LRGUK: variants seen among roughly 807,000 people sequenced by gnomAD.
LRGUK encodes leucine rich repeats and guanylate kinase domain containing.
Under a neutral mutation model 76.0 loss-of-function variants are expected in LRGUK, and 65 were observed. The observed-to-expected ratio is 0.85, with a 90% CI of 0.70 to 1.05. The LOEUF (loss-of-function observed/expected upper bound fraction) is 1.05. Among genes scored for constraint, LRGUK ranks in the 50% least tolerant of loss-of-function variants. The pLI is 0.00. For synonymous variants in LRGUK, 268 were observed against 265.6 expected (o/e 1.01, Z -0.09); for missense variants, 758 against 732.8 (o/e 1.03, Z -0.40).
At chr7:134,205,576 A>T (rs1441416991) in intron 15 of LRGUK, among the ~76,000 whole-genome samples, 2 of 152,348 alleles carry the variant, frequency 1.3e-5, no homozygotes, top group African/African-American at 2.4e-5. Flanking sequence ...TGAATTTTTT[A>T]AAAAATAATT....
chr7:134,144,283 G>A (rs547076514), intron 4 of LRGUK, among the ~76,000 whole-genome samples: 9 of 152,124 alleles, frequency 5.9e-5, no homozygotes, highest in Non-Finnish European at 8.8e-5. Context: ...CTACAGGCAC[G>A]TGCCAAAACA....
intron 17 of LRGUK, among the ~76,000 whole-genome samples, chr7:134,247,856 T>C (rs1029906895): frequency 4.1e-4 from 62 of 152,200 alleles, no homozygotes; most frequent in African/African-American, 1.4e-3. Flanking sequence ...AAACTGATGA[T>C]TTTTTGAAGA....
the LRGUK span, among the ~76,000 whole-genome samples, chr7:134,272,099 A>T: frequency 6.6e-6 from 1 of 152,072 alleles, no homozygotes; most frequent in South Asian, 2.1e-4. Context: ...CTCACATCTG[A>T]ATCTGTCTAA....
intron 13 of LRGUK, 68 bp from the exon 14 acceptor site, chr7:134,199,152 G>C: frequency 8.4e-6 from 11 of 1,309,238 alleles, no homozygotes; most frequent in Non-Finnish European, 1.2e-5. Flanking sequence ...CATGTTGTCA[G>C]ATGGCTCCAA....
intron 1 of LRGUK, among the ~76,000 whole-genome samples, chr7:134,130,239 T>C (rs778511219): frequency 2.0e-5 from 3 of 152,244 alleles, no homozygotes; most frequent in Non-Finnish European, 4.4e-5. Context: ...TGCAAAACTA[T>C]AGCAGTGTTT....
intron 3 of LRGUK, among the ~76,000 whole-genome samples, chr7:134,142,273 A>G (rs1797798423): frequency 6.6e-6 from 1 of 152,252 alleles, no homozygotes; most frequent in Non-Finnish European, 1.5e-5. Flanking sequence ...AGACAGGGCC[A>G]TAACCCTTAC....
downstream of LRGUK, among the ~76,000 whole-genome samples, chr7:134,212,373 A>T (rs1377184340): frequency 4.6e-5 from 7 of 152,272 alleles, no homozygotes. Context: ...CTGTGTACAC[A>T]GCAGCATGCT....
intron 15 of LRGUK, among the ~76,000 whole-genome samples, chr7:134,220,341 T>C (rs1801556130): frequency 6.6e-6 from 1 of 152,188 alleles, no homozygotes; most frequent in Non-Finnish European, 1.5e-5. Flanking sequence ...GATTAAATAG[T>C]TTTACTTGTC....
At chr7:134,197,088 A>G (rs1411024568) in exon 13 of LRGUK, 3 of 1,601,016 alleles carry the variant, frequency 1.9e-6, no homozygotes, top group Non-Finnish European at 2.6e-6. Context: ...GGCAAGCTGT[A>G]TTCATATGGA....
the LRGUK span, among the ~76,000 whole-genome samples, chr7:134,275,653 T>C: frequency 6.6e-6 from 1 of 152,298 alleles, no homozygotes; most frequent in Non-Finnish European, 1.5e-5. Flanking sequence ...TATCAAGCTG[T>C]TGTCTTTCAC....
downstream of LRGUK, among the ~76,000 whole-genome samples, chr7:134,211,678 T>C (rs1585563506): frequency 1.3e-5 from 2 of 152,358 alleles, no homozygotes; most frequent in South Asian, 4.1e-4. Flanking sequence ...ATGCCTTTAT[T>C]ATGCCAAACC....
At chr7:134,252,629 G>C (rs1409346374) in intron 18 of LRGUK, among the ~76,000 whole-genome samples, 2 of 152,162 alleles carry the variant, frequency 1.3e-5, no homozygotes, top group African/African-American at 4.8e-5. Flanking sequence ...GTAGTTGACA[G>C]ACATCTGAGG....
At chr7:134,203,965 G>A (rs1292481740) in intron 15 of LRGUK, among the ~76,000 whole-genome samples, 1 of 152,202 alleles carries the variant, frequency 6.6e-6, no homozygotes, top group Non-Finnish European at 1.5e-5. Flanking sequence ...TGTCGGGGCT[G>A]TACCCTACGT....
At chr7:134,238,686 GA>G (rs778984137) in intron 16 of LRGUK, among the ~76,000 whole-genome samples, 3 of 151,966 alleles carry the variant, frequency 2.0e-5, no homozygotes, top group Non-Finnish European at 2.9e-5. Context: ...GTAGATTGCA[GA>G]TTTTTTTTCT....
chr7:134,233,412 T>C (rs1268131935), intron 16 of LRGUK, among the ~76,000 whole-genome samples: 1 of 152,162 alleles, frequency 6.6e-6, no homozygotes, highest in East Asian at 1.9e-4. Flanking sequence ...GAAAGAAAAA[T>C]TGCTGAATGA....
chr7:134,239,455 G>A (rs182544875), intron 16 of LRGUK, among the ~76,000 whole-genome samples: 8 of 152,346 alleles, frequency 5.3e-5, no homozygotes, highest in South Asian at 2.1e-4. Flanking sequence ...CTGACTGCTA[G>A]CACAGCAGTC....
At chr7:134,167,624 G>A (rs530599636) in intron 7 of LRGUK, among the ~76,000 whole-genome samples, 2 of 152,288 alleles carry the variant, frequency 1.3e-5, no homozygotes, top group South Asian at 4.1e-4. Flanking sequence ...ACTCTTAGGG[G>A]CAGCTGGTGG....
chr7:134,202,332 G>C (rs1800807386), intron 15 of LRGUK, among the ~76,000 whole-genome samples: 2 of 150,126 alleles, frequency 1.3e-5, no homozygotes, highest in Non-Finnish European at 3.0e-5. Flanking sequence ...AAAAAAAACA[G>C]AAATTAACAG....
intron 18 of LRGUK, among the ~76,000 whole-genome samples, chr7:134,255,449 A>G (rs1802556475): frequency 1.3e-5 from 2 of 152,242 alleles, no homozygotes; most frequent in African/African-American, 4.8e-5. Context: ...ACAGTCTACA[A>G]GACTTAGAAT....
Sources: gnomAD v4.1 joint callset for allele counts (sites outside exome capture counted in the v4.1 genomes callset) on GRCh38, gnomAD v4.1.1 for gene constraint, MANE v1.5 for transcripts, NCBI Gene and HGNC (gene_info 2026-07-23, HGNC 2026-07-21) for gene names.